Variants in LINGO2 observed in about 807,000 individuals in gnomAD.
The protein encoded by LINGO2 is leucine-rich repeat and immunoglobulin-like domain-containing nogo receptor-interacting protein 2.
In LINGO2, 14 loss-of-function variants were observed where a neutral mutation model predicts 30.6. The ratio of observed to expected loss-of-function variants is 0.46; its 90% CI spans 0.30 to 0.72. The LOEUF is 0.72. Ranked by LOEUF, LINGO2 falls within the 30% of genes least tolerant of loss-of-function variation. LINGO2 has a pLI of 0.07. For missense variants in LINGO2, 729 were observed against 751.7 expected (o/e 0.97, Z 0.35); for synonymous variants, 317 against 288.5 (o/e 1.10, Z -1.00).
intron 3 of LINGO2, among the ~76,000 whole-genome samples, chr9:28,318,845 A>G (rs1477227519): frequency 6.6e-6 from 1 of 152,206 alleles, no homozygotes; most frequent in Non-Finnish European, 1.5e-5. Context: ...TAGGCACTGT[A>G]CTAAGCAAAC....
intron 4 of LINGO2, among the ~76,000 whole-genome samples, chr9:28,047,975 GAA>G (rs1460289743): frequency 1.3e-5 from 2 of 150,148 alleles, no homozygotes; most frequent in African/African-American, 2.5e-5. Flanking sequence ...CAAAAAATAT[GAA>G]AAGTGTGACT....
At chr9:28,067,890 C>T (rs1039115753) in intron 4 of LINGO2, among the ~76,000 whole-genome samples, 5 of 152,104 alleles carry the variant, frequency 3.3e-5, no homozygotes, top group Non-Finnish European at 5.9e-5. Context: ...AACAGAAGAT[C>T]AGAGAGTTAA....
the LINGO2 span, among the ~76,000 whole-genome samples, chr9:29,063,772 C>A: frequency 6.6e-6 from 1 of 152,066 alleles, no homozygotes; most frequent in African/African-American, 2.4e-5. Flanking sequence ...GACCTTCAGG[C>A]TTTTACTTTT....
In LINGO2 at chr9:28,305,629, G is replaced by A. The variant is rs188196976; in HGVS notation, c.-245-10263C>T. ...AGTTCCCAATAATATAAAATTAAATGAAATACATGGGGATGACTCTTTCAC... is the reference window on the plus strand; with the variant it reads ...AGTTCCCAATAATATAAAATTAAATAAAATACATGGGGATGACTCTTTCAC... On this transcript the variant is annotated intron_variant, in intron 3 of 5. Transcript: ENST00000379992. Among the ~76,000 whole-genome samples the A allele has an allele frequency of 2.6e-5, 4 of 152,024 alleles. No homozygotes were observed. In the East Asian group the frequency reaches 7.7e-4, roughly 29 times the overall value.
At chr9:28,559,375 C>T (rs1587861179) in intron 1 of LINGO2, among the ~76,000 whole-genome samples, 1 of 152,080 alleles carries the variant, frequency 6.6e-6, no homozygotes, top group Non-Finnish European at 1.5e-5. Context: ...GAGAATGTTT[C>T]CCTCTGTTAG....
At chr9:28,703,925 C>T in the LINGO2 span, among the ~76,000 whole-genome samples, 1 of 151,992 alleles carries the variant, frequency 6.6e-6, no homozygotes, top group East Asian at 1.9e-4. Flanking sequence ...TTCTGTTTAT[C>T]AAATACCTTT....
chr9:28,741,375 T>C, the LINGO2 span, among the ~76,000 whole-genome samples: 1 of 151,880 alleles, frequency 6.6e-6, no homozygotes, highest in Non-Finnish European at 1.5e-5. Flanking sequence ...CCTAGAACCC[T>C]GGGCCATAGG....
chr9:28,344,974 G>A (rs1023290612), intron 3 of LINGO2, among the ~76,000 whole-genome samples: 1 of 152,000 alleles, frequency 6.6e-6, no homozygotes, highest in Admixed American at 6.6e-5. Context: ...ACATTCTGTT[G>A]GATACTGTAC....
chr9:28,239,691 A>C (rs760106913), intron 4 of LINGO2, among the ~76,000 whole-genome samples: 12 of 152,162 alleles, frequency 7.9e-5, no homozygotes, highest in Non-Finnish European at 1.8e-4. Context: ...AGAATATGAA[A>C]ACACTAAAAG....
chr9:28,143,596 T>A (rs1827733270), intron 4 of LINGO2, among the ~76,000 whole-genome samples: 1 of 152,090 alleles, frequency 6.6e-6, no homozygotes, highest in African/African-American at 2.4e-5. Flanking sequence ...TCAACCTTTT[T>A]AATATGGACT....
At chr9:28,047,806 T>G (rs930415196) in intron 4 of LINGO2, among the ~76,000 whole-genome samples, 2 of 150,896 alleles carry the variant, frequency 1.3e-5, no homozygotes, top group Non-Finnish European at 2.9e-5. Flanking sequence ...CAAAGTATTT[T>G]TTTTACAGAA....
the LINGO2 span, among the ~76,000 whole-genome samples, chr9:29,036,424 T>G: frequency 1.3e-4 from 20 of 151,996 alleles, no homozygotes; most frequent in African/African-American, 4.3e-4. Context: ...AAATAATGAA[T>G]CATTGTAGTA....
the LINGO2 span, among the ~76,000 whole-genome samples, chr9:29,169,501 G>A: frequency 2.6e-5 from 4 of 151,700 alleles, no homozygotes; most frequent in Middle Eastern, 3.2e-3. Flanking sequence ...GAAGGCATAC[G>A]AGCGGCCAAC....
chr9:28,507,495 G>A (rs923800832), intron 1 of LINGO2, among the ~76,000 whole-genome samples: 7 of 151,882 alleles, frequency 4.6e-5, no homozygotes, highest in Admixed American at 1.3e-4. Context: ...AGACATCTCT[G>A]ACTTAAATGT....
chr9:29,037,418 CTTATA>C, the LINGO2 span, among the ~76,000 whole-genome samples: 1 of 151,760 alleles, frequency 6.6e-6, no homozygotes, highest in Admixed American at 6.6e-5. Context: ...TTAATTGTAG[CTTATA>C]TTATGTTAAA....
chr9:28,907,140 G>GTA, the LINGO2 span, among the ~76,000 whole-genome samples: 42 of 151,806 alleles, frequency 2.8e-4, no homozygotes, highest in Non-Finnish European at 5.0e-4. Flanking sequence ...TCTATGATCT[G>GTA]TATATCATGG....
At chr9:28,247,515 TG>T (rs1822046595) in intron 4 of LINGO2, among the ~76,000 whole-genome samples, 1 of 152,058 alleles carries the variant, frequency 6.6e-6, no homozygotes, top group Admixed American at 6.6e-5. Context: ...AACCAAACAC[TG>T]TATGTTCTCA....
chr9:28,668,181 A>C (rs1232177038), intron 1 of LINGO2, among the ~76,000 whole-genome samples: 1 of 152,164 alleles, frequency 6.6e-6, no homozygotes, highest in Non-Finnish European at 1.5e-5. Context: ...ATAAAATAAT[A>C]GGCAAATAAT....
the LINGO2 span, among the ~76,000 whole-genome samples, chr9:29,022,691 A>T: frequency 0.022 from 3,318 of 152,252 alleles, 115 homozygotes; most frequent in African/African-American, 0.074. Flanking sequence ...TTTTGTAAGT[A>T]TTGGAGTGGA....
Sources: gnomAD v4.1 joint callset for allele counts (sites outside exome capture counted in the v4.1 genomes callset) on GRCh38, gnomAD v4.1.1 for gene constraint, MANE v1.5 for transcripts, NCBI Gene and HGNC (gene_info 2026-07-23, HGNC 2026-07-21) for gene names.